Variants in ADAM21 observed in about 807,000 individuals in gnomAD.
The protein encoded by ADAM21 is disintegrin and metalloproteinase domain-containing protein 21.
For missense variants in ADAM21, 678 were observed against 874.4 expected, an observed-to-expected ratio of 0.78 and a Z score of 2.83; for synonymous variants, 262 against 306.0, an observed-to-expected ratio of 0.86 and a Z score of 1.50.
Position 70,458,407 on chromosome 14 carries a change from T to G in ADAM21, c.908T>G (p.Leu303Arg), listed in dbSNP as rs150695062. The G allele has an allele frequency of 8.1e-5, 130 of 1,614,228 alleles. No homozygotes were observed. In the African/African-American group the frequency reaches 1.5e-3, roughly 19 times the overall value. The change falls in exon 2 of 2, where the codon CTT becomes CGT. Residue 303 changes from leucine (L) to arginine (R), a missense_variant. Transcript: ENST00000603540. ...DAAHMFIKNSLISILGLAYVA... is the reference protein window; with the variant it reads ...DAAHMFIKNSRISILGLAYVA... Reference sequence around the variant, plus strand: ...GCACATATGTTCATAAAAAATTCACTTATAAGTATACTTGGCCTAGCCTAT... The same window carrying G: ...GCACATATGTTCATAAAAAATTCACGTATAAGTATACTTGGCCTAGCCTAT...
chr14:70,453,398 T>C (rs1467609011), intron 1 of ADAM21: 4 of 152,206 alleles, frequency 2.6e-5, no homozygotes, highest in African/African-American at 9.7e-5. Flanking sequence ...AAGAGGGCTG[T>C]TGGCTCACCT....
At position 70,458,952 on chromosome 14, in the gene ADAM21, C is replaced by T. The variant is rs747032678; in HGVS notation, c.1453C>T (p.Pro485Ser). 47 of 1,613,942 alleles carry T rather than the reference C, an allele frequency of 2.9e-5. No individual in the cohort carries two copies. The highest frequency in any genetic ancestry group is 6.7e-5 in the Admixed American group (4 of 59,988). Residue 485 changes from proline to serine, a missense_variant, in exon 2 of 2, where the codon CCA (proline) becomes TCA (serine). Pro to Ser is a moderately conservative substitution (Grantham distance 74). Transcript: ENST00000603540. ...EWCNGTSHQC[P>S]EDRYVQDGIP... ...GTGCAATGGAACATCTCATCAGTGT[C>T]CAGAAGATAGATATGTGCAGGACGG...
At position 70,459,469 on chromosome 14, in the gene ADAM21, G is replaced by A; in HGVS notation, c.1970G>A (p.Trp657Ter). Reference protein sequence around the residue: ...NKHHCHCGYGWSPPYCQHRGY... With the variant: ...NKHHCHCGYG ...CATCACTGCCACTGTGGCTATGGGT[G>A]GTCCCCACCCTACTGCCAGCACAGA... The change falls in exon 2 of 2, where the codon TGG becomes TAG. Residue 657 changes from tryptophan to a stop codon, truncating the protein, a stop_gained. Coordinates refer to ENST00000603540, the MANE Select transcript of ADAM21 (RefSeq NM_003813.4). LOFTEE classifies it low-confidence loss of function (END_TRUNC). 1.2e-6 allele frequency: 2 copies of A among 1,614,216 alleles called. No homozygotes were observed. The highest frequency in any genetic ancestry group is 1.7e-6 in the Non-Finnish European group (2 of 1,180,032).
At position 70,457,970 on chromosome 14, in the gene ADAM21, G is replaced by A. The variant is rs758148990; in HGVS notation, c.471G>A (p.Leu157=). 24 of 1,604,026 alleles carry A rather than the reference G, an allele frequency of 1.5e-5. No homozygotes were observed. In the East Asian group the frequency reaches 5.5e-4, roughly 37 times the overall value. Residue 157 remains leucine, a synonymous_variant, in exon 2 of 2, where the codon CTG becomes CTA. Coordinates refer to ENST00000603540, the MANE Select transcript of ADAM21 (RefSeq NM_003813.4). ...PIRHSATFEH[L]VYKINSNETQ... ...GGCACTCTGCCACATTTGAACACCT[G>A]GTTTATAAGATAAACAGTAATGAGA... is the stretch of plus-strand genomic sequence containing the variant.
chr14:70,459,281 C>T lies in ADAM21; in HGVS notation c.1782C>T (p.Asp594=). 1 of 1,614,206 alleles carries T rather than the reference C, an allele frequency of 6.2e-7. No homozygotes were observed. Among genetic ancestry groups the T allele is most frequent in the Non-Finnish European group, 8.5e-7 (1 of 1,180,044 alleles). Residue 594 remains aspartate, a synonymous_variant, in exon 2 of 2, where the codon GAC becomes GAT. Coordinates refer to ENST00000603540, the MANE Select transcript of ADAM21 (RefSeq NM_003813.4). ...HINGVTCWGI[D]YHLRMNISDI... The stretch of plus-strand genomic sequence containing the variant: ...ATGGTGTCACCTGCTGGGGTATTGA[C>T]TATCATTTAAGGATGAACATATCTG...
At chr14:70,454,305 G>C (rs1452499774) in intron 1 of ADAM21, among the ~76,000 whole-genome samples, 1 of 149,822 alleles carries the variant, frequency 6.7e-6, no homozygotes, top group Non-Finnish European at 1.5e-5. Context: ...TTGGTTTTGG[G>C]ATTTTTTTTT....
In ADAM21 at chr14:70,458,265, A is replaced by G; in HGVS notation, c.766A>G (p.Ile256Val). 1 of 1,614,032 alleles carries G rather than the reference A, an allele frequency of 6.2e-7. No homozygotes were observed. The highest frequency in any genetic ancestry group is 8.5e-7 in the Non-Finnish European group (1 of 1,180,016). ...YKQLGTYIIL[I>V]GIEIWNQGNV... is the part of the protein sequence containing the mutation. ...GCAGTTAGGTACTTACATAATTTTG[A>G]TTGGAATTGAAATTTGGAATCAAGG... The change falls in exon 2 of 2, where the codon ATT (isoleucine) becomes GTT (valine). Residue 256 changes from isoleucine (I) to valine (V), a missense_variant. Ile to Val is a conservative substitution (Grantham distance 29). Transcript: ENST00000603540.
chr14:70,459,464 T>C lies in ADAM21; in HGVS notation c.1965T>C (p.Tyr655=). The C allele has an allele frequency of 6.2e-7, 1 of 1,614,248 alleles. No homozygotes were observed. Among genetic ancestry groups the C allele is most frequent in the Non-Finnish European group, 8.5e-7 (1 of 1,180,038 alleles). Residue 655 remains tyrosine, a synonymous_variant, in exon 2 of 2, where the codon TAT becomes TAC. Coordinates refer to ENST00000603540, the MANE Select transcript of ADAM21 (RefSeq NM_003813.4). ...ACAAACATCACTGCCACTGTGGCTA[T>C]GGGTGGTCCCCACCCTACTGCCAGC... ...CNNKHHCHCG[Y]GWSPPYCQHR... is the part of the protein sequence containing the mutation.
intron 1 of ADAM21, among the ~76,000 whole-genome samples, chr14:70,454,214 C>T (rs1389630591): frequency 6.6e-6 from 1 of 152,118 alleles, no homozygotes; most frequent in African/African-American, 2.4e-5. Context: ...TTTTATATCT[C>T]TATTCCTTAG....
At chr14:70,453,005 G>A (rs1335738745) in intron 1 of ADAM21, among the ~76,000 whole-genome samples, 2 of 151,480 alleles carry the variant, frequency 1.3e-5, no homozygotes, top group South Asian at 2.1e-4. Context: ...ATGGTGAAAG[G>A]CCCAGAAACC....
At chr14:70,457,053 G>C (rs1193997115) in intron 1 of ADAM21, among the ~76,000 whole-genome samples, 1 of 152,144 alleles carries the variant, frequency 6.6e-6, no homozygotes, top group African/African-American at 2.4e-5. Context: ...TTGATATATA[G>C]AGTCACCCTA....
rs191658309 is a variant in ADAM21, at chr14:70,456,728, A to G, written c.-151-621A>G. On this transcript the variant is annotated intron_variant, in intron 1 of 1. Coordinates refer to ENST00000603540, the MANE Select transcript of ADAM21 (RefSeq NM_003813.4). ...TCACTTATAATCCAAGACATTTTGC[A>G]ATCCCTCCTCCGTTTTTCCATTTTT... Among the ~76,000 whole-genome samples, 237 of 152,304 alleles carry G rather than the reference A, an allele frequency of 1.6e-3. 1 individual carries two copies. The highest frequency in any genetic ancestry group is 5.4e-3 in the African/African-American group (226 of 41,566).
rs1882450889 is a variant in ADAM21, at chr14:70,458,133, C to T, written c.634C>T (p.Leu212=). The change falls in exon 2 of 2, where the codon CTA becomes TTA. Residue 212 remains leucine, a synonymous_variant. Transcript: ENST00000603540. ...DWWTHAWFLE[L]VVVVNHDFFI... The stretch of plus-strand genomic sequence containing the variant: ...GTGGACTCATGCATGGTTTCTGGAG[C>T]TAGTTGTTGTGGTGAACCATGATTT... 1 of 1,613,842 alleles carries T rather than the reference C, an allele frequency of 6.2e-7. No homozygotes were observed. The highest frequency in any genetic ancestry group is 2.2e-5 in the East Asian group (1 of 44,852).
At chr14:70,452,439 G>A (rs538411365) in intron 1 of ADAM21, among the ~76,000 whole-genome samples, 176 bp downstream of exon 1, 1 of 152,084 alleles carries the variant, frequency 6.6e-6, no homozygotes, top group African/African-American at 2.4e-5. Context: ...GATCTCAGCT[G>A]ACTGCAAGCT....
Position 70,457,845 on chromosome 14 carries a change from G to A in ADAM21, c.346G>A (p.Glu116Lys). 1 of 1,613,616 alleles carries A rather than the reference G, an allele frequency of 6.2e-7. No individual in the cohort carries two copies. Residue 116 changes from glutamate to lysine, a missense_variant, in exon 2 of 2, where the codon GAG (glutamate) becomes AAG (lysine). Coordinates refer to ENST00000603540, the MANE Select transcript of ADAM21 (RefSeq NM_003813.4). ...PDDCYYHGYV[E>K]AAPESLVVFS... The stretch of plus-strand genomic sequence containing the variant: ...TGACTGTTACTATCATGGTTACGTG[G>A]AGGCAGCCCCTGAGTCTCTGGTTGT...
chr14:70,456,882 A>C (rs1211855323), intron 1 of ADAM21, among the ~76,000 whole-genome samples: 4 of 152,236 alleles, frequency 2.6e-5, no homozygotes, highest in Admixed American at 6.5e-5. Context: ...AGGAATAGTA[A>C]ATAACTTTGA....
At chr14:70,454,742 T>C (rs367783326) in intron 1 of ADAM21, among the ~76,000 whole-genome samples, 96 of 152,306 alleles carry the variant, frequency 6.3e-4, no homozygotes, top group African/African-American at 2.1e-3. Flanking sequence ...AAAAACCCTG[T>C]CTTGTTTTCA....
intron 1 of ADAM21, among the ~76,000 whole-genome samples, chr14:70,456,010 C>T (rs1201896493): frequency 6.6e-6 from 1 of 152,028 alleles, no homozygotes; most frequent in Non-Finnish European, 1.5e-5. Flanking sequence ...GAAGCATAAA[C>T]TTTGTCTGGT....
rs1157960649 is a variant in ADAM21 at position 70,457,925 on chromosome 14, T to C, written c.426T>C (p.Thr142=). The C allele has an allele frequency of 6.2e-7, 1 of 1,614,020 alleles. No individual in the cohort carries two copies. The highest frequency in any genetic ancestry group is 1.3e-5 in the African/African-American group (1 of 74,900). ...FRGVLKISGL[T]YEIEPIRHSA... ...GAGTATTAAAAATAAGTGGCCTCAC[T>C]TATGAAATTGAACCCATCAGGCACT... The change falls in exon 2 of 2, where the codon ACT becomes ACC. Residue 142 remains threonine, a synonymous_variant. Transcript: ENST00000603540.
Sources: gnomAD v4.1 joint callset for allele counts (sites outside exome capture counted in the v4.1 genomes callset) on GRCh38, gnomAD v4.1.1 for gene constraint, MANE v1.5 for transcripts, NCBI Gene and HGNC (gene_info 2026-07-23, HGNC 2026-07-21) for gene names.